The following ST7L variants were observed in gnomAD, a reference collection of about 807,000 sequenced individuals.
The protein encoded by ST7L is suppressor of tumorigenicity 7 protein-like.
In ST7L, 57 loss-of-function variants were observed where a neutral mutation model predicts 72.5. The observed-to-expected ratio is 0.79, with a 90% CI of 0.64 to 0.98. The LOEUF (loss-of-function observed/expected upper bound fraction) is 0.98, where lower values mean the gene tolerates loss of function less well. Ranked by LOEUF, ST7L falls within the 50% of genes least tolerant of loss-of-function variation. The pLI, the probability that ST7L is intolerant of heterozygous loss-of-function variation, is 0.00. For synonymous variants in ST7L, 221 were observed against 240.9 expected (o/e 0.92, Z 0.77); for missense variants, 576 against 672.2 (o/e 0.86, Z 1.58).
chr1:112,583,232 C>T (rs1283064335), intron 7 of ST7L, among the ~76,000 whole-genome samples: 2 of 152,100 alleles, frequency 1.3e-5, no homozygotes, highest in Non-Finnish European at 2.9e-5. Flanking sequence ...ACTTAGCTGC[C>T]AGTAGATAAT....
At chr1:112,605,275 A>C (rs7552692) in intron 3 of ST7L, among the ~76,000 whole-genome samples, 45,071 of 149,074 alleles carry the variant, frequency 0.3, 7,366 homozygotes, top group African/African-American at 0.44. Flanking sequence ...TGCCCGTAAT[A>C]ACAGCTACTC....
At chr1:112,574,385 C>A (rs1467056707) in intron 11 of ST7L, among the ~76,000 whole-genome samples, 2 of 151,418 alleles carry the variant, frequency 1.3e-5, no homozygotes, top group Admixed American at 6.6e-5. Flanking sequence ...AAAAGCCAGA[C>A]GCACTGGCTC....
At chr1:112,563,857 C>A (rs1426524566) in intron 11 of ST7L, among the ~76,000 whole-genome samples, 1 of 152,066 alleles carries the variant, frequency 6.6e-6, no homozygotes, top group East Asian at 1.9e-4. Flanking sequence ...GTAAATCTTA[C>A]AACAGCTTTT....
intron 11 of ST7L, among the ~76,000 whole-genome samples, chr1:112,564,817 C>CAAAA: frequency 2.3e-5 from 1 of 43,100 alleles, no homozygotes; most frequent in Non-Finnish European, 6.0e-5. Flanking sequence ...AACTGCATCT[C>CAAAA]AAAAAAAAAA....
At chr1:112,612,299 T>C (rs1344283825) in intron 2 of ST7L, among the ~76,000 whole-genome samples, 1 of 152,100 alleles carries the variant, frequency 6.6e-6, no homozygotes, top group African/African-American at 2.4e-5. Context: ...GGTTTTGCCA[T>C]GTTGCCCAGG....
At chr1:112,572,505 G>A (rs1224560781) in intron 11 of ST7L, among the ~76,000 whole-genome samples, 1 of 152,176 alleles carries the variant, frequency 6.6e-6, no homozygotes, top group Non-Finnish European at 1.5e-5. Flanking sequence ...AAAATTTGAA[G>A]AAAATCTTTT....
At chr1:112,570,580 CAT>C (rs1661940775) in intron 11 of ST7L, among the ~76,000 whole-genome samples, 2 of 118,576 alleles carry the variant, frequency 1.7e-5, no homozygotes, top group Admixed American at 1.8e-4. Flanking sequence ...TACACACACA[CAT>C]ATATTTGAAA....
At chr1:112,614,974 A>G (rs1432499810) in intron 2 of ST7L, among the ~76,000 whole-genome samples, 4 of 152,110 alleles carry the variant, frequency 2.6e-5, no homozygotes, top group Non-Finnish European at 5.9e-5. Flanking sequence ...TTCTTCAAGG[A>G]AAAGTTGAAT....
chr1:112,533,056 A>AT (rs1179459585), intron 14 of ST7L, among the ~76,000 whole-genome samples: 1 of 152,276 alleles, frequency 6.6e-6, no homozygotes, highest in Non-Finnish European at 1.5e-5. Context: ...ATATTGAAAC[A>AT]TAAGGTATAC....
chr1:112,598,228 C>T (rs1558039097), intron 4 of ST7L, 142 bp from the exon 5 acceptor site: 4 of 530,900 alleles, frequency 7.5e-6, no homozygotes, highest in Admixed American at 3.7e-5. Context: ...AAAAGATAAC[C>T]TCACAAACTA....
chr1:112,597,949 T>C, intron 5 of ST7L, 22 bp downstream of exon 5: 1 of 1,552,240 alleles, frequency 6.4e-7, no homozygotes, highest in Non-Finnish European at 8.8e-7. Flanking sequence ...CTGTTTATAC[T>C]ATGAACAGAT....
intron 6 of ST7L, among the ~76,000 whole-genome samples, chr1:112,588,191 T>A (rs1201282841): frequency 6.6e-6 from 1 of 152,244 alleles, no homozygotes; most frequent in Non-Finnish European, 1.5e-5. Flanking sequence ...AATAGTTTCT[T>A]TGTGGATTAA....
At chr1:112,607,743 G>A (rs542600933) in intron 3 of ST7L, 9 of 152,106 alleles carry the variant, frequency 5.9e-5, no homozygotes, top group Admixed American at 1.3e-4. Context: ...GGAATTGGAC[G>A]CCATTAGAAG....
chr1:112,564,561 T>C (rs1375009552), intron 11 of ST7L, among the ~76,000 whole-genome samples: 2 of 152,090 alleles, frequency 1.3e-5, no homozygotes, highest in East Asian at 1.9e-4. Flanking sequence ...CTGGGAGCAG[T>C]GGCTCAGCAC....
chr1:112,551,955 C>G (rs1366781052), intron 12 of ST7L, among the ~76,000 whole-genome samples: 1 of 152,186 alleles, frequency 6.6e-6, no homozygotes, highest in Non-Finnish European at 1.5e-5. Flanking sequence ...GTGAGCTATA[C>G]ATACGTTTAA....
In ST7L at chr1:112,610,855, CT is replaced by C. The variant is rs1668969224; in HGVS notation, c.436del (p.Arg146AspfsTer14). On this transcript the variant is annotated frameshift_variant, in exon 3 of 15. Coordinates refer to ENST00000358039, the MANE Select transcript of ST7L (RefSeq NM_017744.5). LOFTEE classifies it high-confidence loss of function. The stretch of plus-strand genomic sequence containing the variant: ...AAAGTAGTCACCTGACAAATTCTGT[CT>C]GCTGGTTTCATTTTCTCTGTTCCTC... ...PSRNRENETS[R>X]QNLSECKVWR... is the part of the protein sequence containing the mutation. 1 of 1,613,790 alleles carries C rather than the reference CT, an allele frequency of 6.2e-7. No individual in the cohort carries two copies. The highest frequency in any genetic ancestry group is 1.7e-5 in the Admixed American group (1 of 59,890).
At chr1:112,562,286 T>C (rs184522427) in intron 11 of ST7L, among the ~76,000 whole-genome samples, 5 of 152,256 alleles carry the variant, frequency 3.3e-5, no homozygotes, top group African/African-American at 1.2e-4. Flanking sequence ...TTAACTTAGA[T>C]AGACTTTTAA....
At chr1:112,604,000 G>A (rs1667817216) in intron 3 of ST7L, among the ~76,000 whole-genome samples, 1 of 152,110 alleles carries the variant, frequency 6.6e-6, no homozygotes, top group Admixed American at 6.6e-5. Context: ...CAAAATTCAT[G>A]TCTTTCATAT....
intron 11 of ST7L, among the ~76,000 whole-genome samples, chr1:112,562,373 T>C (rs1660306181): frequency 6.6e-6 from 1 of 151,998 alleles, no homozygotes; most frequent in Non-Finnish European, 1.5e-5. Context: ...GGAAGAGTGT[T>C]GGACATTAAA....
Sources: gnomAD v4.1 joint callset for allele counts (sites outside exome capture counted in the v4.1 genomes callset) on GRCh38, gnomAD v4.1.1 for gene constraint, MANE v1.5 for transcripts, NCBI Gene and HGNC (gene_info 2026-07-23, HGNC 2026-07-21) for gene names.